UBR3: variants seen among roughly 807,000 people sequenced by gnomAD.
UBR3 encodes the protein ubiquitin protein ligase E3 component n-recognin 3.
In UBR3, 85 loss-of-function variants were observed where a neutral mutation model predicts 243.2. The observed-to-expected ratio is 0.35, with a 90% CI of 0.29 to 0.42. The LOEUF is 0.42. Ranked by LOEUF, UBR3 falls within the 10% of genes least tolerant of loss-of-function variation. UBR3 has a pLI of 1.00. For synonymous variants in UBR3, 748 were observed against 799.8 expected (o/e 0.94, Z 1.09); for missense variants, 1,686 against 2,300.8 (o/e 0.73, Z 5.47).
In UBR3 at chr2:169,926,991, A is replaced by G. The variant is rs1340502907; in HGVS notation, c.2338+20A>G. The G allele has an allele frequency of 1.9e-6, 3 of 1,539,294 alleles. No individual in the cohort carries two copies. Among genetic ancestry groups the G allele is most frequent in the Non-Finnish European group, 1.8e-6 (2 of 1,137,858 alleles). ...ATTTAGGTAAAACTCACTGATACTAATACTTATGCATTAACTGTTTTCCTC... is the reference window on the plus strand; with the variant it reads ...ATTTAGGTAAAACTCACTGATACTAGTACTTATGCATTAACTGTTTTCCTC... On this transcript the variant is annotated intron_variant, in intron 16 of 38. Transcript: ENST00000272793.
At chr2:170,000,606 C>T (rs62172016) in intron 26 of UBR3, among the ~76,000 whole-genome samples, 7,281 of 152,254 alleles carry the variant, frequency 0.048, 218 homozygotes, top group Non-Finnish European at 0.073. Context: ...TAACAATTTA[C>T]GTTTTTGGCA....
In UBR3 at chr2:169,938,744, T is replaced by C. The variant is rs186512910; in HGVS notation, c.2664-3749T>C. 1.7e-4 allele frequency among the ~76,000 whole-genome samples: 26 copies of C among 152,342 alleles called. No homozygotes were observed. The East Asian group carries it at 5.0e-3, about 29-fold the overall frequency. ...TCAAGGTCACAGATACCTAAACCTA[T>C]GTTTTTCCCCAAGAGTTTTATGCCT... On this transcript the variant is annotated intron_variant, in intron 19 of 38. Transcript: ENST00000272793.
At chr2:169,882,145 T>G (rs1370989540) in intron 5 of UBR3, among the ~76,000 whole-genome samples, 2 of 129,778 alleles carry the variant, frequency 1.5e-5, no homozygotes, top group African/African-American at 5.9e-5. Flanking sequence ...ATTTATATTA[T>G]ATATGTATAT....
rs527594118 is a variant in UBR3 at position 169,877,756 on chromosome 2, T to C, written c.988+119T>C. On this transcript the variant is annotated intron_variant, in intron 4 of 38. Transcript: ENST00000272793. ...TTTGAACTAAAACAGTATTATTCTTTTTAAGAAAAGTAATAAAAGTAGTAA... is the reference window on the plus strand; with the variant it reads ...TTTGAACTAAAACAGTATTATTCTTCTTAAGAAAAGTAATAAAAGTAGTAA... The C allele has an allele frequency of 8.7e-6, 9 of 1,035,622 alleles. No homozygotes were observed. The Admixed American group carries it at 2.8e-4, about 32-fold the overall frequency. 64.2% of individuals were successfully genotyped at this position (1,035,622 alleles called of 1,614,324 possible).
At chr2:170,064,613 G>T (rs2091517317) in intron 35 of UBR3, among the ~76,000 whole-genome samples, 1 of 151,750 alleles carries the variant, frequency 6.6e-6, no homozygotes, top group South Asian at 2.1e-4. Flanking sequence ...AATTATTTAT[G>T]AAATAATGTA....
intron 30 of UBR3, among the ~76,000 whole-genome samples, chr2:170,019,567 C>A (rs1037563867): frequency 6.6e-6 from 1 of 151,952 alleles, no homozygotes; most frequent in East Asian, 1.9e-4. Context: ...TGCCTGTGGT[C>A]CCAGCTACTC....
chr2:169,897,299 A>G (rs531178154), intron 8 of UBR3, among the ~76,000 whole-genome samples: 2 of 152,182 alleles, frequency 1.3e-5, no homozygotes, highest in Non-Finnish European at 1.5e-5. Flanking sequence ...TTACTCCCTT[A>G]GTGAGAACTT....
chr2:170,019,803 T>G (rs62172024), intron 30 of UBR3, among the ~76,000 whole-genome samples: 114,179 of 152,026 alleles, frequency 0.75, 43,113 homozygotes, highest in East Asian at 0.85. Context: ...GAGAGACAGG[T>G]TCTCCCTTTG....
intron 31 of UBR3, among the ~76,000 whole-genome samples, chr2:170,039,250 A>G (rs2090906132): frequency 1.3e-5 from 2 of 152,204 alleles, no homozygotes; most frequent in South Asian, 4.1e-4. Context: ...GTTCAGCTGT[A>G]TCTAAAGTCA....
At chr2:170,003,842 A>G (rs1033700141) in intron 27 of UBR3, among the ~76,000 whole-genome samples, 6 of 152,030 alleles carry the variant, frequency 3.9e-5, no homozygotes, top group African/African-American at 1.2e-4. Context: ...GGGTTTCACC[A>G]TGTTAGCCAG....
chr2:170,074,849 C>T (rs1049647689), intron 36 of UBR3, among the ~76,000 whole-genome samples: 7 of 152,038 alleles, frequency 4.6e-5, no homozygotes, highest in African/African-American at 7.2e-5. Context: ...GGGGGCTCCA[C>T]GAAGCAGAAA....
intron 36 of UBR3, chr2:170,077,551 G>A (rs777485242): frequency 1.2e-5 from 8 of 669,002 alleles, no homozygotes; most frequent in South Asian, 2.3e-5. Flanking sequence ...GCAGACTTTA[G>A]TAACCATCCT....
intron 28 of UBR3, 161 bp downstream of exon 28, chr2:170,007,351 A>G: frequency 2.7e-6 from 2 of 743,422 alleles, no homozygotes; most frequent in Non-Finnish European, 4.3e-6. Context: ...TAAAAGTAAT[A>G]GAACAAATTA....
At chr2:169,985,893 T>C (rs1388873585) in intron 24 of UBR3, among the ~76,000 whole-genome samples, 2 of 152,312 alleles carry the variant, frequency 1.3e-5, no homozygotes, top group East Asian at 1.9e-4. Context: ...CTTTTAAACA[T>C]TTCATAAAGC....
chr2:170,080,504 A>G lies in UBR3; in HGVS notation c.5410-41A>G, dbSNP rs768083202. 4 of 1,520,008 alleles carry G rather than the reference A, an allele frequency of 2.6e-6. No homozygotes were observed. In the African/African-American group the frequency reaches 5.6e-5, roughly 21 times the overall value. The allele number at this position is 1,520,008 out of a possible 1,614,324, so 94.2% of individuals were successfully genotyped here. A position where few individuals can be genotyped will look rare whatever the true frequency, so the allele number is the denominator to read the frequency against. Reference sequence around the variant, plus strand: ...TATTCTTGATTTTATTATAAAGCCTATTTGATTATGAAGTTCATTAATATA... The same window carrying G: ...TATTCTTGATTTTATTATAAAGCCTGTTTGATTATGAAGTTCATTAATATA... On this transcript the variant is annotated intron_variant, in intron 37 of 38. Transcript: ENST00000272793.
chr2:169,904,486 C>T (rs763717242), intron 8 of UBR3, among the ~76,000 whole-genome samples: 2 of 151,764 alleles, frequency 1.3e-5, no homozygotes, highest in Non-Finnish European at 2.9e-5. Context: ...ATAAAGATTT[C>T]GTACAAGCCT....
At position 169,841,098 on chromosome 2, in the gene UBR3, C is replaced by T. The variant is rs1005797166; in HGVS notation, c.545+13046C>T. Reference sequence around the variant, plus strand: ...TGACGAAACAGTCACACCTTTGCCACGCCCTTGGATTTTTTTTCTCCTAAG... The same window carrying T: ...TGACGAAACAGTCACACCTTTGCCATGCCCTTGGATTTTTTTTCTCCTAAG... On this transcript the variant is annotated intron_variant, in intron 1 of 38. Coordinates refer to ENST00000272793, the MANE Select transcript of UBR3 (RefSeq NM_172070.4). 4.6e-5 allele frequency among the ~76,000 whole-genome samples: 7 copies of T among 152,146 alleles called. No homozygotes were observed. In the East Asian group the frequency reaches 5.8e-4, roughly 13 times the overall value.
intron 11 of UBR3, among the ~76,000 whole-genome samples, chr2:169,917,802 A>G (rs1559091982): frequency 6.6e-6 from 1 of 152,164 alleles, no homozygotes; most frequent in Non-Finnish European, 1.5e-5. Flanking sequence ...TCCTGGGTTC[A>G]AGCGATTCTC....
rs115699583 is a variant in UBR3, at chr2:169,960,603, C to T, written c.3634+2077C>T. Among the ~76,000 whole-genome samples the T allele has an allele frequency of 5.1e-3, 773 of 152,060 alleles. 6 individuals carry two copies. Among genetic ancestry groups the T allele is most frequent in the African/African-American group, 0.018 (728 of 41,448 alleles). ...TTTTTTTACATGTTTAATATAATTA[C>T]AATATTTACGTATCGTTCTATTGTA... is the stretch of plus-strand genomic sequence containing the variant. On this transcript the variant is annotated intron_variant, in intron 24 of 38. Coordinates refer to ENST00000272793, the MANE Select transcript of UBR3 (RefSeq NM_172070.4).
Sources: gnomAD v4.1 joint callset for allele counts (sites outside exome capture counted in the v4.1 genomes callset) on GRCh38, gnomAD v4.1.1 for gene constraint, MANE v1.5 for transcripts, NCBI Gene and HGNC (gene_info 2026-07-23, HGNC 2026-07-21) for gene names.